The following FNIP2 variants were observed in gnomAD, a reference collection of about 807,000 sequenced individuals.
FNIP2 encodes the protein folliculin-interacting protein 2.
FNIP2 carries 32 observed loss-of-function variants against 108.7 expected under a neutral mutation model. That is an observed-to-expected ratio of 0.29 (90% CI 0.22 to 0.40). The LOEUF is 0.40. FNIP2 is among the 10% of genes least tolerant of loss of function. The pLI is 1.00. For missense variants in FNIP2, 1,202 were observed against 1,381.6 expected (o/e 0.87, Z 2.06); for synonymous variants, 480 against 496.7 (o/e 0.97, Z 0.45).
At chr4:158,811,898 G>T (rs1777294913) in intron 1 of FNIP2, among the ~76,000 whole-genome samples, 1 of 152,222 alleles carries the variant, frequency 6.6e-6, no homozygotes, top group Non-Finnish European at 1.5e-5. Context: ...AGCCACGCGG[G>T]TGTTTGAGGA....
intron 14 of FNIP2, among the ~76,000 whole-genome samples, chr4:158,870,762 G>A (rs1232441949): frequency 1.3e-5 from 2 of 152,196 alleles, no homozygotes; most frequent in East Asian, 3.9e-4. Context: ...TGAGGAGGGG[G>A]TGACTTCCTG....
chr4:158,798,864 G>A (rs1320209723), intron 1 of FNIP2, among the ~76,000 whole-genome samples: 3 of 152,188 alleles, frequency 2.0e-5, no homozygotes, highest in African/African-American at 7.2e-5. Flanking sequence ...TTTGTATGAT[G>A]CCATTTACAG....
At chr4:158,839,829 T>C (rs1779024495) in intron 7 of FNIP2, among the ~76,000 whole-genome samples, 1 of 152,206 alleles carries the variant, frequency 6.6e-6, no homozygotes, top group South Asian at 2.1e-4. Context: ...CAGAGTCATC[T>C]TATGTATTTC....
At chr4:158,813,719 C>T (rs915636880) in intron 1 of FNIP2, among the ~76,000 whole-genome samples, 2 of 152,150 alleles carry the variant, frequency 1.3e-5, no homozygotes, top group African/African-American at 4.8e-5. Flanking sequence ...TCGTAGACCA[C>T]GCCTTTGGTG....
rs575889545 is a variant in FNIP2 at position 158,774,173 on chromosome 4, A to G, written c.107+4854A>G. 2.0e-5 allele frequency among the ~76,000 whole-genome samples: 3 copies of G among 152,356 alleles called. No individual in the cohort carries two copies. The East Asian group carries it at 5.8e-4, about 29-fold the overall frequency. On this transcript the variant is annotated intron_variant, in intron 1 of 16. Coordinates refer to ENST00000264433, the MANE Select transcript of FNIP2 (RefSeq NM_020840.3). ...AAAAGCAAGTTATAAATTTATGTGA[A>G]AAACATTTAAAAATAGGAGCGATTA...
intron 14 of FNIP2, among the ~76,000 whole-genome samples, chr4:158,891,150 G>C (rs1447277258): frequency 6.6e-6 from 1 of 152,102 alleles, no homozygotes; most frequent in African/African-American, 2.4e-5. Context: ...CATTGGCTTT[G>C]AGGCAGGTCT....
At chr4:158,819,643 A>C (rs1408888852) in intron 1 of FNIP2, among the ~76,000 whole-genome samples, 1 of 152,236 alleles carries the variant, frequency 6.6e-6, no homozygotes, top group Non-Finnish European at 1.5e-5. Flanking sequence ...TGAATTCCAA[A>C]TCTGTTACTG....
chr4:158,826,979 AG>A (rs1778195323), intron 2 of FNIP2, among the ~76,000 whole-genome samples: 1 of 152,240 alleles, frequency 6.6e-6, no homozygotes, highest in Non-Finnish European at 1.5e-5. Context: ...ATCAGGGCCA[AG>A]GGGTTGTTTT....
intron 1 of FNIP2, among the ~76,000 whole-genome samples, chr4:158,807,764 G>A (rs940818018): frequency 2.6e-5 from 4 of 152,174 alleles, no homozygotes; most frequent in Non-Finnish European, 4.4e-5. Context: ...CCATTACAGC[G>A]TAAGAGCACA....
chr4:158,868,860 G>A lies in FNIP2; in HGVS notation c.2224G>A (p.Val742Met), dbSNP rs779506985. The change falls in exon 13 of 17, where the codon GTG becomes ATG. Residue 742 changes from valine to methionine, a missense_variant. Physicochemically the swap from Val to Met is conservative, Grantham distance 21 (BLOSUM62 1). Transcript: ENST00000264433. This position sits in a 1 kb window ranked among gnomAD's most constrained non-coding sequence, Gnocchi z 4.6. ...CCGCATGAAAAAAATGGAGGAACGG[G>A]TGAAGGCCTGTGGCCCCTCCTTGGA... ...ESRMKKMEER[V>M]KACGPSLEAS... The A allele has an allele frequency of 6.8e-6, 11 of 1,613,984 alleles. No homozygotes were observed. Among genetic ancestry groups the A allele is most frequent in the Non-Finnish European group, 9.3e-6 (11 of 1,179,904 alleles).
At chr4:158,813,633 C>G (rs1195382444) in intron 1 of FNIP2, among the ~76,000 whole-genome samples, 1 of 152,184 alleles carries the variant, frequency 6.6e-6, no homozygotes, top group Non-Finnish European at 1.5e-5. Flanking sequence ...GGCTTGTCTT[C>G]TCATTCCCTT....
At chr4:158,806,372 A>G in intron 1 of FNIP2, 1 of 1,289,396 alleles carries the variant, frequency 7.8e-7, no homozygotes, top group Non-Finnish European at 1.0e-6. Context: ...ACAAAGATTA[A>G]AAAACACACC....
At position 158,869,074 on chromosome 4, in the gene FNIP2, T is replaced by A. The variant is rs1391262298; in HGVS notation, c.2438T>A (p.Leu813His). 1 of 1,613,962 alleles carries A rather than the reference T, an allele frequency of 6.2e-7. No homozygotes were observed. Among genetic ancestry groups the A allele is most frequent in the Non-Finnish European group, 8.5e-7 (1 of 1,179,884 alleles). The change falls in exon 13 of 17, where the codon CTC becomes CAC. Residue 813 changes from leucine to histidine, a missense_variant. Physicochemically the swap from Leu to His is moderately conservative, Grantham distance 99. Transcript: ENST00000264433. Reference protein sequence around the residue: ...NDMAADIAGQLSHAADLGTAS... With the variant: ...NDMAADIAGQHSHAADLGTAS... ...ATGGCAGCAGATATTGCTGGGCAGC[T>A]CAGCCACGCTGCTGACTTGGGCACA...
intron 1 of FNIP2, among the ~76,000 whole-genome samples, chr4:158,799,059 G>A (rs1560760884): frequency 6.6e-6 from 1 of 152,232 alleles, no homozygotes; most frequent in Non-Finnish European, 1.5e-5. Context: ...GTTGGTTAGA[G>A]CAAGGCATAT....
At chr4:158,903,382 C>T (rs1262478346) in intron 16 of FNIP2, among the ~76,000 whole-genome samples, 3 of 152,294 alleles carry the variant, frequency 2.0e-5, no homozygotes, top group Admixed American at 1.3e-4. Context: ...CCTTCTGCGT[C>T]GATCTTGCTG....
At position 158,870,342 on chromosome 4, in the gene FNIP2, G is replaced by C; in HGVS notation, c.2822G>C (p.Arg941Thr). ...RSQSISTQNV[R>T]NFGRSLLAGY... The stretch of plus-strand genomic sequence containing the variant: ...CAGAGCATCAGCACCCAGAATGTAA[G>C]GAACTTTGGCCGCTCACTTCTGGCG... Residue 941 changes from arginine (R) to threonine (T), a missense_variant, in exon 14 of 17, where the codon AGG (arginine) becomes ACG (threonine). Arg to Thr is a moderately conservative substitution (Grantham distance 71). Coordinates refer to ENST00000264433, the MANE Select transcript of FNIP2 (RefSeq NM_020840.3). 6.2e-7 allele frequency: 1 copy of C among 1,613,980 alleles called. No individual in the cohort carries two copies. The highest frequency in any genetic ancestry group is 8.5e-7 in the Non-Finnish European group (1 of 1,179,832).
chr4:158,785,041 A>G (rs1278490461), intron 1 of FNIP2, among the ~76,000 whole-genome samples: 2 of 151,408 alleles, frequency 1.3e-5, no homozygotes, highest in African/African-American at 4.9e-5. Context: ...AGCAACTACC[A>G]GTACTTAAAA....
intron 6 of FNIP2, chr4:158,834,830 A>G (rs1778710645): frequency 6.5e-6 from 1 of 152,702 alleles, no homozygotes; most frequent in Non-Finnish European, 1.5e-5. Flanking sequence ...TAACTCTACA[A>G]TAATACTGTG....
At chr4:158,903,635 A>G (rs923439303) in intron 16 of FNIP2, among the ~76,000 whole-genome samples, 6 of 152,138 alleles carry the variant, frequency 3.9e-5, no homozygotes, top group Admixed American at 3.9e-4. Context: ...CAGGGCCAGT[A>G]GCACTAAAAG....
Sources: allele counts gnomAD v4.1 joint callset (sites outside exome capture counted in the v4.1 genomes callset), GRCh38; gene constraint gnomAD v4.1.1; non-coding constraint Gnocchi (gnomAD v3.1); transcripts MANE v1.5; gene names NCBI Gene and HGNC (gene_info 2026-07-23, HGNC 2026-07-21).